Variants in LYPD6 observed in about 807,000 individuals in gnomAD.
LYPD6 encodes the protein ly6/PLAUR domain-containing protein 6.
In LYPD6, 15 loss-of-function variants were observed where a neutral mutation model predicts 22.7. The observed-to-expected ratio is 0.66, with a 90% CI of 0.44 to 1.02. The LOEUF (loss-of-function observed/expected upper bound fraction) is 1.02. Ranked by LOEUF, LYPD6 falls within the 50% of genes least tolerant of loss-of-function variation. The probability of loss-of-function intolerance (pLI) is 0.00; values close to 1 mark genes in which losing one functional copy is unlikely to be tolerated. For synonymous variants in LYPD6, 72 were observed against 77.5 expected (o/e 0.93, Z 0.37); for missense variants, 189 against 208.4 (o/e 0.91, Z 0.57).
chr2:149,388,751 C>T (rs1336379766), intron 1 of LYPD6, among the ~76,000 whole-genome samples: 1 of 152,088 alleles, frequency 6.6e-6, no homozygotes, highest in African/African-American at 2.4e-5. Context: ...CTTAATTTTG[C>T]TGGAGTTGGA....
Position 149,413,454 on chromosome 2 carries a change from A to G in LYPD6, c.-71-24184A>G, listed in dbSNP as rs191224262. On this transcript the variant is annotated intron_variant, in intron 1 of 4. Coordinates refer to ENST00000334166, the MANE Select transcript of LYPD6 (RefSeq NM_194317.5). ...AAAAGAAGAATTTCATCTTTCTACT[A>G]TGTTACAGACTTACCACACTACAGT... 3.5e-4 allele frequency among the ~76,000 whole-genome samples: 53 copies of G among 152,354 alleles called. No individual in the cohort carries two copies. In the East Asian group the frequency reaches 7.5e-3, roughly 22 times the overall value.
At chr2:149,376,159 C>T (rs6745526) in intron 1 of LYPD6, among the ~76,000 whole-genome samples, 3,097 of 152,132 alleles carry the variant, frequency 0.02, 95 homozygotes, top group African/African-American at 0.07. Flanking sequence ...TGTGGTTTGC[C>T]CTGGGTCTGT....
intron 3 of LYPD6, among the ~76,000 whole-genome samples, chr2:149,455,238 C>T (rs1278009251): frequency 6.8e-6 from 1 of 147,084 alleles, no homozygotes; most frequent in Non-Finnish European, 1.5e-5. Context: ...CGGAATTAGT[C>T]TTAGAACTTT....
chr2:149,387,547 A>G (rs1458267580), intron 1 of LYPD6, among the ~76,000 whole-genome samples: 9 of 152,196 alleles, frequency 5.9e-5, no homozygotes, highest in Non-Finnish European at 1.3e-4. Context: ...GCAAAGATTA[A>G]AAAGACAGGT....
intron 1 of LYPD6, among the ~76,000 whole-genome samples, chr2:149,337,456 C>T (rs1681057504): frequency 6.6e-6 from 1 of 152,072 alleles, no homozygotes; most frequent in South Asian, 2.1e-4. Flanking sequence ...TGATCCAGCT[C>T]CTGCCACTTG....
chr2:149,344,740 G>A (rs1017199633), intron 1 of LYPD6, among the ~76,000 whole-genome samples: 1 of 152,166 alleles, frequency 6.6e-6, no homozygotes, highest in African/African-American at 2.4e-5. Flanking sequence ...GTGCTTTGTG[G>A]GAGTGGGTGC....
intron 1 of LYPD6, among the ~76,000 whole-genome samples, chr2:149,354,083 C>G (rs1483329614): frequency 6.6e-6 from 1 of 152,168 alleles, no homozygotes; most frequent in African/African-American, 2.4e-5. Flanking sequence ...CTCCCAGATT[C>G]ACCTGTCCTT....
At chr2:149,333,164 C>A (rs752494542) in intron 1 of LYPD6, among the ~76,000 whole-genome samples, 1 of 152,160 alleles carries the variant, frequency 6.6e-6, no homozygotes, top group Non-Finnish European at 1.5e-5. Flanking sequence ...ACAAAAAGCA[C>A]CCACTTATCA....
intron 1 of LYPD6, among the ~76,000 whole-genome samples, chr2:149,397,962 G>C (rs571174807): frequency 6.6e-6 from 1 of 152,056 alleles, no homozygotes; most frequent in Non-Finnish European, 1.5e-5. Context: ...TCTCTGTGCT[G>C]ATGATTATTT....
At chr2:149,358,519 G>A (rs184948820) in intron 1 of LYPD6, among the ~76,000 whole-genome samples, 1 of 152,162 alleles carries the variant, frequency 6.6e-6, no homozygotes, top group South Asian at 2.1e-4. Flanking sequence ...TGTGAATCAA[G>A]TCCTAGAGCA....
intron 1 of LYPD6, among the ~76,000 whole-genome samples, chr2:149,336,654 ACTCT>A (rs1323369445): frequency 2.0e-5 from 3 of 151,896 alleles, no homozygotes; most frequent in Non-Finnish European, 2.9e-5. Context: ...ATTAACAGTG[ACTCT>A]CTCTAAGTAA....
intron 1 of LYPD6, among the ~76,000 whole-genome samples, chr2:149,348,061 CAA>C (rs58228847): frequency 0.045 from 3,471 of 76,576 alleles, 86 homozygotes; most frequent in African/African-American, 0.14. Context: ...ACTAAAAATA[CAA>C]AAAAAAAAAA....
intron 3 of LYPD6, among the ~76,000 whole-genome samples, chr2:149,462,224 A>T (rs78120788): frequency 6.7e-4 from 102 of 152,138 alleles, no homozygotes; most frequent in Non-Finnish European, 1.0e-3. Context: ...TGAGAACTCA[A>T]TTGTGTTTAT....
intron 2 of LYPD6, chr2:149,440,233 GC>G (rs1683531265): frequency 6.5e-6 from 1 of 154,752 alleles, no homozygotes; most frequent in South Asian, 2.0e-4. Flanking sequence ...TGGTCACTGA[GC>G]CTATCCAGGT....
intron 1 of LYPD6, among the ~76,000 whole-genome samples, chr2:149,427,856 G>T (rs1683219211): frequency 1.3e-5 from 2 of 152,154 alleles, no homozygotes; most frequent in African/African-American, 2.4e-5. Flanking sequence ...TATATTACTA[G>T]ACATACACAA....
intron 3 of LYPD6, among the ~76,000 whole-genome samples, chr2:149,463,499 A>G (rs565744256): frequency 3.9e-5 from 6 of 152,312 alleles, no homozygotes; most frequent in Non-Finnish European, 5.9e-5. Context: ...TAAACATGCA[A>G]CTACCACATA....
chr2:149,359,651 C>T (rs906152464), intron 1 of LYPD6, among the ~76,000 whole-genome samples: 1 of 152,166 alleles, frequency 6.6e-6, no homozygotes, highest in Non-Finnish European at 1.5e-5. Context: ...TCCTTTAATT[C>T]CTTCATGTCT....
intron 1 of LYPD6, among the ~76,000 whole-genome samples, chr2:149,377,202 CTT>C (rs113079309): frequency 6.9e-5 from 10 of 145,184 alleles, no homozygotes. Flanking sequence ...TTCTTTTTTC[CTT>C]TTTTTTTTTT....
At chr2:149,416,939 T>G (rs758798872) in intron 1 of LYPD6, among the ~76,000 whole-genome samples, 1 of 152,198 alleles carries the variant, frequency 6.6e-6, no homozygotes, top group Non-Finnish European at 1.5e-5. Context: ...GGGCCCAATC[T>G]TGCATCTCTT....
Sources: gnomAD v4.1 joint callset for allele counts (sites outside exome capture counted in the v4.1 genomes callset) on GRCh38, gnomAD v4.1.1 for gene constraint, MANE v1.5 for transcripts, NCBI Gene and HGNC (gene_info 2026-07-23, HGNC 2026-07-21) for gene names.